The following ABCA13 variants were observed in gnomAD, a reference collection of about 807,000 sequenced individuals.
ABCA13 encodes the protein ATP binding cassette subfamily A member 13.
Under a neutral mutation model 478.7 loss-of-function variants are expected in ABCA13, and 476 were observed. The observed-to-expected ratio is 0.99, with a 90% CI of 0.92 to 1.07. The LOEUF is 1.07. Among genes scored for constraint, ABCA13 ranks in the 50% least tolerant of loss-of-function variants. ABCA13 has a pLI of 0.00. For synonymous variants in ABCA13, 2,252 were observed against 2,158.9 expected (o/e 1.04, Z -1.20); for missense variants, 6,060 against 5,910.6 (o/e 1.03, Z -0.83).
intron 58 of ABCA13, among the ~76,000 whole-genome samples, chr7:48,595,630 A>G (rs1425716591): frequency 1.3e-5 from 2 of 152,200 alleles, no homozygotes; most frequent in African/African-American, 4.8e-5. Flanking sequence ...CCAGAGTGTC[A>G]GCATGGTTTC....
intron 20 of ABCA13, among the ~76,000 whole-genome samples, chr7:48,293,200 C>A (rs535419848): frequency 4.4e-5 from 6 of 136,538 alleles, no homozygotes; most frequent in African/African-American, 7.8e-5. Context: ...CAGCCCCCCC[C>A]CCGCCACACA....
intron 31 of ABCA13, among the ~76,000 whole-genome samples, chr7:48,364,182 C>T (rs1811321074): frequency 1.3e-5 from 2 of 152,144 alleles, no homozygotes; most frequent in African/African-American, 4.8e-5. Context: ...TAGAGTGCTT[C>T]CTGAAAACAT....
At chr7:48,402,817 C>A (rs1026601339) in intron 38 of ABCA13, among the ~76,000 whole-genome samples, 2 of 152,358 alleles carry the variant, frequency 1.3e-5, no homozygotes, top group Non-Finnish European at 2.9e-5. Context: ...ATGACTTCAG[C>A]TGCTGGCTAT....
intron 2 of ABCA13, 134 bp from the exon 3 acceptor site, chr7:48,198,103 T>C: frequency 1.1e-6 from 1 of 933,096 alleles, no homozygotes; most frequent in Non-Finnish European, 1.5e-6. Flanking sequence ...TCTGAGCCCT[T>C]AGATCTCCTT....
In ABCA13 at chr7:48,275,272, A is replaced by T; in HGVS notation, c.5606A>T (p.Glu1869Val). Residue 1869 changes from glutamate (E) to valine (V), a missense_variant, in exon 17 of 62, where the codon GAA becomes GTA. Transcript: ENST00000435803. ...CATTTCCACCTGTCTCCCCAAGGTG[A>T]AGATTCACCATGTTCAAATGAAAGC... ...LDHFHLSPQG[E>V]DSPCSNESSR... 1 of 1,613,886 alleles carries T rather than the reference A, an allele frequency of 6.2e-7. No individual in the cohort carries two copies. The highest frequency in any genetic ancestry group is 8.5e-7 in the Non-Finnish European group (1 of 1,179,858).
At chr7:48,338,304 T>A (rs1443777932) in intron 28 of ABCA13, 61 bp from the exon 29 acceptor site, 29 of 1,225,638 alleles carry the variant, frequency 2.4e-5, no homozygotes, top group Non-Finnish European at 3.2e-5. Flanking sequence ...GTCTAATAAG[T>A]ATTATTCAAT....
intron 55 of ABCA13, among the ~76,000 whole-genome samples, chr7:48,545,571 G>A (rs944308644): frequency 1.3e-5 from 2 of 151,378 alleles, no homozygotes; most frequent in African/African-American, 2.4e-5. Flanking sequence ...TTTTTTTCAA[G>A]AGCCCATTAA....
intron 26 of ABCA13, among the ~76,000 whole-genome samples, chr7:48,314,755 T>C (rs1195423256): frequency 6.6e-6 from 1 of 152,202 alleles, no homozygotes; most frequent in African/African-American, 2.4e-5. Context: ...CAAATGGCTA[T>C]ATTATAATAA....
At chr7:48,490,282 T>C (rs1219810072) in intron 48 of ABCA13, among the ~76,000 whole-genome samples, 1 of 152,240 alleles carries the variant, frequency 6.6e-6, no homozygotes, top group Non-Finnish European at 1.5e-5. Context: ...TTCTAACATA[T>C]TTGAAGTGTA....
At chr7:48,580,956 TGA>T (rs1563464420) in intron 56 of ABCA13, among the ~76,000 whole-genome samples, 1 of 151,832 alleles carries the variant, frequency 6.6e-6, no homozygotes, top group Non-Finnish European at 1.5e-5. Context: ...GGTGGAGCAG[TGA>T]GAGAGCAAAA....
Position 48,561,075 on chromosome 7 carries a change from A to C in ABCA13, c.14355-19149A>C, listed in dbSNP as rs1786406321. On this transcript the variant is annotated intron_variant, in intron 55 of 61. Coordinates refer to ENST00000435803, the MANE Select transcript of ABCA13 (RefSeq NM_152701.5). Reference sequence around the variant, plus strand: ...CTGAATAGTATTCCATTGTATGTATATGTATATATATGTATGTATGTATGC... The same window carrying C: ...CTGAATAGTATTCCATTGTATGTATCTGTATATATATGTATGTATGTATGC... Among the ~76,000 whole-genome samples, 3 of 152,204 alleles carry C rather than the reference A, an allele frequency of 2.0e-5. No individual in the cohort carries two copies. In the South Asian group the frequency reaches 6.2e-4, roughly 32 times the overall value.
intron 31 of ABCA13, among the ~76,000 whole-genome samples, chr7:48,361,298 G>C (rs1704172139): frequency 6.6e-6 from 1 of 151,302 alleles, no homozygotes; most frequent in Non-Finnish European, 1.5e-5. Flanking sequence ...TCCTAGAAGA[G>C]AGAAATTAAA....
intron 37 of ABCA13, among the ~76,000 whole-genome samples, chr7:48,390,013 A>G (rs1480579811): frequency 2.6e-5 from 4 of 152,214 alleles, no homozygotes; most frequent in Non-Finnish European, 5.9e-5. Flanking sequence ...AAGAAAGAAT[A>G]TGGACAGTTT....
chr7:48,245,947 G>T lies in ABCA13; in HGVS notation c.1576G>T (p.Gly526Cys), dbSNP rs751817742. The T allele has an allele frequency of 6.2e-7, 1 of 1,613,746 alleles. No homozygotes were observed. The highest frequency in any genetic ancestry group is 2.2e-5 in the East Asian group (1 of 44,870). ...GCCGCCTGGAAACTCCAGCATATGG[G>T]GTGGTCTCCAGGGACTGTTGTGCTA... is the stretch of plus-strand genomic sequence containing the variant. ...FLPPGNSSIW[G>C]GLQGLLCYCN... The change falls in exon 13 of 62, where the codon GGT becomes TGT. Residue 526 changes from glycine (G) to cysteine (C), a missense_variant. Gly to Cys is a radical substitution (Grantham distance 159). Coordinates refer to ENST00000435803, the MANE Select transcript of ABCA13 (RefSeq NM_152701.5).
At position 48,297,257 on chromosome 7, in the gene ABCA13, T is replaced by C; in HGVS notation, c.9145T>C (p.Trp3049Arg). The change falls in exon 22 of 62, where the codon TGG becomes CGG. Residue 3049 changes from tryptophan to arginine, a missense_variant. This residue lies in a region of ABCA13 where 4,423 missense variants were observed against 4,309.1 expected (regional missense o/e 1.03). Transcript: ENST00000435803. ...GTTGGCCAAAAGCCTCGAGGAAACT[T>C]GGTCATCAGGGAATCCCATCATGAC... Reference protein sequence around the residue: ...YMLAKSLEETWSSGNPIMTFL... With the variant: ...YMLAKSLEETRSSGNPIMTFL... 6.2e-7 allele frequency: 1 copy of C among 1,608,262 alleles called. No homozygotes were observed. The highest frequency in any genetic ancestry group is 8.5e-7 in the Non-Finnish European group (1 of 1,177,206).
At chr7:48,382,302 A>T (rs909750004) in intron 35 of ABCA13, among the ~76,000 whole-genome samples, 4 of 152,120 alleles carry the variant, frequency 2.6e-5, no homozygotes, top group Admixed American at 2.6e-4. Flanking sequence ...CAAATAGACC[A>T]TGTCCCTCCC....
chr7:48,232,864 A>G (rs1324754442), intron 7 of ABCA13, among the ~76,000 whole-genome samples: 1 of 152,194 alleles, frequency 6.6e-6, no homozygotes, highest in African/African-American at 2.4e-5. Flanking sequence ...TTGGGTTTGA[A>G]TCAGAGGCTT....
At chr7:48,583,237 T>G (rs1364546506) in intron 56 of ABCA13, among the ~76,000 whole-genome samples, 2 of 152,206 alleles carry the variant, frequency 1.3e-5, no homozygotes, top group Non-Finnish European at 2.9e-5. Context: ...TTAAGTTTTC[T>G]TCCATTCACA....
chr7:48,506,563 G>A (rs973568583), intron 49 of ABCA13, among the ~76,000 whole-genome samples, 173 bp downstream of exon 49: 12 of 152,172 alleles, frequency 7.9e-5, no homozygotes, highest in African/African-American at 2.9e-4. Context: ...TGAGAAAAAC[G>A]ACTATTAAGA....
Sources: allele counts gnomAD v4.1 joint callset (sites outside exome capture counted in the v4.1 genomes callset), GRCh38; gene constraint gnomAD v4.1.1; regional missense constraint gnomAD v4.1.1; transcripts MANE v1.5; gene names NCBI Gene and HGNC (gene_info 2026-07-23, HGNC 2026-07-21).